The following MVB12B variants were observed in gnomAD, a reference collection of about 807,000 sequenced individuals.
MVB12B encodes multivesicular body subunit 12B.
In MVB12B, 16 loss-of-function variants were observed where a neutral mutation model predicts 41.6. The observed-to-expected ratio is 0.38, with a 90% CI of 0.26 to 0.58. The LOEUF (loss-of-function observed/expected upper bound fraction) is 0.58. Among genes scored for constraint, MVB12B ranks in the 20% least tolerant of loss-of-function variants. MVB12B has a pLI of 0.62. For synonymous variants in MVB12B, 133 were observed against 139.7 expected (o/e 0.95, Z 0.34); for missense variants, 274 against 380.2 (o/e 0.72, Z 2.32).
chr9:126,373,200 G>A (rs1341529692), intron 2 of MVB12B, among the ~76,000 whole-genome samples: 9 of 152,214 alleles, frequency 5.9e-5, no homozygotes, highest in Admixed American at 5.2e-4. Flanking sequence ...AATCAGAACC[G>A]AAAAACTGAG....
chr9:126,401,137 T>C (rs926623210), intron 6 of MVB12B, among the ~76,000 whole-genome samples: 2 of 152,150 alleles, frequency 1.3e-5, no homozygotes, highest in African/African-American at 4.8e-5. Flanking sequence ...TCCTGTGACC[T>C]TTCCCTAACA....
At chr9:126,483,846 T>C in intron 8 of MVB12B, 127 bp from the exon 9 acceptor site, 2 of 941,156 alleles carry the variant, frequency 2.1e-6, no homozygotes, top group Non-Finnish European at 3.4e-6. Context: ...TGTCTTCCTG[T>C]GGAAAGTGGG....
chr9:126,482,994 C>G (rs1025335904), intron 8 of MVB12B, among the ~76,000 whole-genome samples: 4 of 152,256 alleles, frequency 2.6e-5, no homozygotes, highest in Non-Finnish European at 1.5e-5. Flanking sequence ...AGTCTGGGTC[C>G]TCAGACTCCA....
intron 7 of MVB12B, among the ~76,000 whole-genome samples, chr9:126,455,363 T>C (rs558220682): frequency 1.3e-5 from 2 of 151,586 alleles, no homozygotes; most frequent in East Asian, 3.9e-4. Context: ...AATTTTTGTA[T>C]TTTTAGTAGA....
In MVB12B at chr9:126,402,933, C is replaced by T. The variant is rs16928968; in HGVS notation, c.662+7236C>T. ...CACGGGGGTGTGAATGATCCCGCTG[C>T]GCAAGTGGCACCTTCCAGCCGAAAG... On this transcript the variant is annotated intron_variant, in intron 6 of 9. Coordinates refer to ENST00000361171, the MANE Select transcript of MVB12B (RefSeq NM_033446.3). 8.5e-3 allele frequency among the ~76,000 whole-genome samples: 1,289 copies of T among 152,318 alleles called. 36 individuals carry two copies. The highest frequency in any genetic ancestry group is 0.055 in the East Asian group (284 of 5,182).
intron 9 of MVB12B, among the ~76,000 whole-genome samples, chr9:126,495,200 A>G (rs1447405498): frequency 2.0e-5 from 3 of 151,598 alleles, no homozygotes. Flanking sequence ...TCAAAAAAAA[A>G]AAAAAAATGA....
chr9:126,445,604 G>A (rs1168734103), intron 7 of MVB12B, among the ~76,000 whole-genome samples: 1 of 152,008 alleles, frequency 6.6e-6, no homozygotes, highest in African/African-American at 2.4e-5. Flanking sequence ...CACCCAGCCT[G>A]CATTGCCCAT....
intron 7 of MVB12B, among the ~76,000 whole-genome samples, chr9:126,455,380 G>T (rs966743259): frequency 6.6e-6 from 1 of 151,962 alleles, no homozygotes; most frequent in Non-Finnish European, 1.5e-5. Context: ...TAGAGACGGG[G>T]TTTCACCATG....
chr9:126,457,793 A>G (rs867263147), intron 7 of MVB12B, among the ~76,000 whole-genome samples: 2 of 152,190 alleles, frequency 1.3e-5, no homozygotes, highest in African/African-American at 4.8e-5. Flanking sequence ...CAGGCAGAAC[A>G]TTTAAAGGCC....
chr9:126,359,515 G>C (rs1829973645), intron 2 of MVB12B, among the ~76,000 whole-genome samples: 1 of 152,174 alleles, frequency 6.6e-6, no homozygotes, highest in East Asian at 1.9e-4. Context: ...TTTTACCAGT[G>C]AGGCTCTCTG....
intron 2 of MVB12B, among the ~76,000 whole-genome samples, chr9:126,368,031 G>C (rs1280006308): frequency 6.6e-6 from 1 of 152,240 alleles, no homozygotes; most frequent in Non-Finnish European, 1.5e-5. Context: ...GGCTCTATTT[G>C]ATGCCAGGCC....
At position 126,389,912 on chromosome 9, in the gene MVB12B, C is replaced by T. The variant is rs566873010; in HGVS notation, c.410-2154C>T. ...TCTCTGCTCGTAGATCTGCTCTAGCCCTCAGTTTCTGTGCCTGAGGAACCC... is the reference window on the plus strand; with the variant it reads ...TCTCTGCTCGTAGATCTGCTCTAGCTCTCAGTTTCTGTGCCTGAGGAACCC... On this transcript the variant is annotated intron_variant, in intron 4 of 9. Coordinates refer to ENST00000361171, the MANE Select transcript of MVB12B (RefSeq NM_033446.3). This position sits in a 1 kb window ranked among gnomAD's most constrained non-coding sequence, Gnocchi z 4.4. 1.2e-3 allele frequency among the ~76,000 whole-genome samples: 185 copies of T among 152,200 alleles called. No homozygotes were observed. The highest frequency in any genetic ancestry group is 6.8e-3 in the Middle Eastern group (2 of 294).
chr9:126,409,483 G>GGA, intron 6 of MVB12B, among the ~76,000 whole-genome samples: 1 of 152,082 alleles, frequency 6.6e-6, no homozygotes, highest in East Asian at 1.9e-4. Context: ...AATTAAATTG[G>GGA]GGGGGGACAC....
At chr9:126,482,511 G>A (rs1443133635) in intron 8 of MVB12B, among the ~76,000 whole-genome samples, 1 of 152,234 alleles carries the variant, frequency 6.6e-6, no homozygotes, top group Non-Finnish European at 1.5e-5. Flanking sequence ...ACGGGGCCGC[G>A]TTGCCATGGC....
rs1214348269 is a variant in MVB12B at position 126,391,367 on chromosome 9, G to C, written c.410-699G>C. On this transcript the variant is annotated intron_variant, in intron 4 of 9. Coordinates refer to ENST00000361171, the MANE Select transcript of MVB12B (RefSeq NM_033446.3). This position sits in a 1 kb window ranked among gnomAD's most constrained non-coding sequence, Gnocchi z 4.4. ...CTGGGAGGCCTGACACCCAGAGGCA[G>C]TGTTTCAGCATCCTGGGGATCCAGA... Among the ~76,000 whole-genome samples the C allele has an allele frequency of 6.6e-6, 1 of 152,218 alleles. No individual in the cohort carries two copies.
At chr9:126,371,945 G>A (rs182371662) in intron 2 of MVB12B, among the ~76,000 whole-genome samples, 33 of 152,172 alleles carry the variant, frequency 2.2e-4, no homozygotes, top group African/African-American at 7.7e-4. Context: ...TTTTAGTATA[G>A]CCACAGATTT....
Position 126,481,295 on chromosome 9 carries a change from C to T in MVB12B, c.758-74C>T, listed in dbSNP as rs1833517938. ...GACGGATTCATATTCTCTGTTTCGA[C>T]ATCTTCAGTTGCTGGACAACTAAAT... On this transcript the variant is annotated intron_variant, in intron 7 of 9. Coordinates refer to ENST00000361171, the MANE Select transcript of MVB12B (RefSeq NM_033446.3). The T allele has an allele frequency of 1.3e-5, 16 of 1,234,300 alleles. No homozygotes were observed. The South Asian group carries it at 1.9e-4, about 15-fold the overall frequency. The allele number at this position is 1,234,300 out of a possible 1,614,324, so 76.5% of individuals were successfully genotyped here.
chr9:126,358,119 G>A (rs527598), intron 2 of MVB12B, among the ~76,000 whole-genome samples: 151,648 of 152,306 alleles, frequency 1, 75,503 homozygotes, highest in Middle Eastern at 1. Context: ...TCAAAAATCA[G>A]CTGATCGTAG....
At chr9:126,348,549 G>A (rs546802056) in intron 2 of MVB12B, among the ~76,000 whole-genome samples, 2 of 152,278 alleles carry the variant, frequency 1.3e-5, no homozygotes, top group Non-Finnish European at 2.9e-5. Context: ...CAAAGTTCCC[G>A]CTAATGACTT....
Sources: allele counts gnomAD v4.1 joint callset (sites outside exome capture counted in the v4.1 genomes callset), GRCh38; gene constraint gnomAD v4.1.1; non-coding constraint Gnocchi (gnomAD v3.1); transcripts MANE v1.5; gene names NCBI Gene and HGNC (gene_info 2026-07-23, HGNC 2026-07-21).